COLEC10: variants seen among roughly 807,000 people sequenced by gnomAD.
The protein encoded by COLEC10 is collectin-10.
Under a neutral mutation model 28.4 loss-of-function variants are expected in COLEC10, and 22 were observed. The observed-to-expected ratio is 0.78, with a 90% confidence interval of 0.55 to 1.11. The LOEUF (loss-of-function observed/expected upper bound fraction) is 1.11, where lower values mean the gene tolerates loss of function less well. Ranked by LOEUF, COLEC10 falls within the 50% of genes least tolerant of loss-of-function variation. The pLI is 0.00. For synonymous variants in COLEC10, 125 were observed against 116.1 expected (o/e 1.08, Z -0.49); for missense variants, 361 against 344.1 (o/e 1.05, Z -0.39).
At chr8:119,083,787 T>G (rs1405246052) in intron 1 of COLEC10, among the ~76,000 whole-genome samples, 1 of 152,086 alleles carries the variant, frequency 6.6e-6, no homozygotes, top group Non-Finnish European at 1.5e-5. Context: ...ATTAAATAAT[T>G]TATTAAATTC....
rs1040404604 is a variant in COLEC10 at position 119,014,148 on chromosome 8, C to A, written n.235+4595C>A. Among the ~76,000 whole-genome samples the A allele has an allele frequency of 3.3e-5, 5 of 150,668 alleles. 2 individuals carry two copies. Among genetic ancestry groups the A allele is most frequent in the African/African-American group, 1.2e-4 (5 of 40,216 alleles). On this transcript the variant is annotated intron_variant and non_coding_transcript_variant, in intron 2 of 6. Coordinates refer to the COLEC10 transcript ENST00000521788. ...AATTAAAGTTTATGTTTTATCCTCA[C>A]TTATTCTTTTTCTGATGCTATTCCT...
At chr8:119,044,588 T>C (rs1240063210) in intron 2 of COLEC10, among the ~76,000 whole-genome samples, 1 of 152,144 alleles carries the variant, frequency 6.6e-6, no homozygotes, top group Non-Finnish European at 1.5e-5. Context: ...CTTATGCCTG[T>C]AATCCCAGCA....
At chr8:119,099,531 T>C (rs141203154) in intron 3 of COLEC10, among the ~76,000 whole-genome samples, 1 of 151,996 alleles carries the variant, frequency 6.6e-6, no homozygotes, top group African/African-American at 2.4e-5. Context: ...AGCCAGTAAG[T>C]GGCAAAGCCA....
At chr8:119,004,858 T>C (rs1185287640) in intron 1 of COLEC10, among the ~76,000 whole-genome samples, 1 of 150,222 alleles carries the variant, frequency 6.7e-6, no homozygotes, top group Non-Finnish European at 1.5e-5. Context: ...CAAGAGATTA[T>C]TCTCTGTATA....
chr8:118,996,129 T>C (rs1813584962), intron 1 of COLEC10, among the ~76,000 whole-genome samples: 1 of 152,162 alleles, frequency 6.6e-6, no homozygotes, highest in African/African-American at 2.4e-5. Flanking sequence ...AAAAGGATCA[T>C]GCTGTGTTTG....
intron 2 of COLEC10, among the ~76,000 whole-genome samples, chr8:119,039,999 T>A (rs6993813): frequency 6.6e-6 from 1 of 151,994 alleles, no homozygotes; most frequent in South Asian, 2.1e-4. Context: ...GATTAGGGCA[T>A]GGGCATCTTT....
chr8:118,961,758 A>G, the COLEC10 span, among the ~76,000 whole-genome samples: 15 of 152,090 alleles, frequency 9.9e-5, no homozygotes, highest in Admixed American at 1.3e-4. Flanking sequence ...GGCAGCTATT[A>G]TTTCTTTCTA....
At chr8:118,970,878 T>A in the COLEC10 span, among the ~76,000 whole-genome samples, 6 of 152,030 alleles carry the variant, frequency 3.9e-5, no homozygotes, top group African/African-American at 1.4e-4. Context: ...CAAATATGAC[T>A]TGCACTCAAA....
intron 3 of COLEC10, among the ~76,000 whole-genome samples, chr8:119,097,594 G>A (rs891676046): frequency 6.6e-6 from 1 of 151,564 alleles, no homozygotes; most frequent in African/African-American, 2.4e-5. Flanking sequence ...TTTTAATTTT[G>A]TATCTTTTTT....
At chr8:119,021,445 G>A (rs758196028) in intron 2 of COLEC10, among the ~76,000 whole-genome samples, 1 of 152,162 alleles carries the variant, frequency 6.6e-6, no homozygotes, top group Non-Finnish European at 1.5e-5. Flanking sequence ...TTTAGGAGCA[G>A]AGAATGCATG....
chr8:118,984,724 G>C, the COLEC10 span, among the ~76,000 whole-genome samples: 2 of 152,078 alleles, frequency 1.3e-5, no homozygotes, highest in African/African-American at 4.8e-5. Context: ...AAAAGGAAAG[G>C]GAGGTATATT....
At chr8:118,999,060 C>T (rs907122684) in intron 1 of COLEC10, among the ~76,000 whole-genome samples, 4 of 151,966 alleles carry the variant, frequency 2.6e-5, no homozygotes, top group African/African-American at 9.7e-5. Flanking sequence ...CCAATAGAGA[C>T]AAATAAATGT....
intron 2 of COLEC10, among the ~76,000 whole-genome samples, chr8:119,013,015 C>CT (rs60559892): frequency 0.018 from 2,564 of 145,232 alleles, 69 homozygotes; most frequent in Middle Eastern, 0.028. Context: ...TTTTGCTGCT[C>CT]TTTTTTTTTT....
chr8:118,984,604 ACACAGAGT>A, the COLEC10 span, among the ~76,000 whole-genome samples: 1 of 152,136 alleles, frequency 6.6e-6, no homozygotes, highest in East Asian at 1.9e-4. Flanking sequence ...GGATATTTGG[ACACAGAGT>A]CACAGAGGGA....
At position 119,054,125 on chromosome 8, in the gene COLEC10, G is replaced by A. The variant is rs547398295; in HGVS notation, n.236-35555G>A. On this transcript the variant is annotated intron_variant and non_coding_transcript_variant, in intron 2 of 6. Coordinates refer to the COLEC10 transcript ENST00000521788. ...CTACTAAGTGACTAACGACCAGGTA[G>A]CTAGTCAGAATGGATAGGCTGGACA... 2.0e-5 allele frequency among the ~76,000 whole-genome samples: 3 copies of A among 152,174 alleles called. No homozygotes were observed. In the East Asian group the frequency reaches 5.8e-4, roughly 29 times the overall value.
chr8:118,982,716 CA>C, the COLEC10 span: 1 of 155,164 alleles, frequency 6.4e-6, no homozygotes, highest in African/African-American at 2.4e-5. Flanking sequence ...ACAGTGGCAT[CA>C]ACTGGACCCA....
rs139878576 is a variant in COLEC10, at chr8:119,067,849, A to G, written c.148+420A>G. ...GCTGTTTAAGCAAAAGGTCAGTAAC[A>G]TAAAACTTAAATCTTAAATATATAT... On this transcript the variant is annotated intron_variant, in intron 1 of 5. Transcript: ENST00000332843. 723 of 154,170 alleles carry G rather than the reference A, an allele frequency of 4.7e-3. 2 individuals are homozygous for G. The highest frequency in any genetic ancestry group is 0.024 in the Middle Eastern group (7 of 294). 9.6% of individuals were successfully genotyped at this position (154,170 alleles called of 1,614,324 possible).
At chr8:118,958,196 G>A in the COLEC10 span, among the ~76,000 whole-genome samples, 1 of 152,156 alleles carries the variant, frequency 6.6e-6, no homozygotes, top group Non-Finnish European at 1.5e-5. Flanking sequence ...TTCTTCTCAG[G>A]TGCATGAAAT....
the COLEC10 span, among the ~76,000 whole-genome samples, chr8:118,979,398 A>T: frequency 6.6e-6 from 1 of 152,040 alleles, no homozygotes; most frequent in Admixed American, 6.6e-5. Context: ...CTTTTAATAA[A>T]TAGAAAGTGA....
Sources: allele counts gnomAD v4.1 joint callset (sites outside exome capture counted in the v4.1 genomes callset), GRCh38; gene constraint gnomAD v4.1.1; transcripts MANE v1.5; gene names NCBI Gene and HGNC (gene_info 2026-07-23, HGNC 2026-07-21).